Variants in CLASP2 observed in about 807,000 individuals in gnomAD.
CLASP2 encodes the protein cytoplasmic linker associated protein 2.
In CLASP2, 47 loss-of-function variants were observed where a neutral mutation model predicts 194.4. That is an observed-to-expected ratio of 0.24 (90% CI 0.19 to 0.31). The LOEUF (loss-of-function observed/expected upper bound fraction) is 0.31, where lower values mean the gene tolerates loss of function less well. Ranked by LOEUF, CLASP2 falls within the 10% of genes least tolerant of loss-of-function variation. The pLI is 1.00. For synonymous variants in CLASP2, 619 were observed against 633.5 expected, an observed-to-expected ratio of 0.98 and a Z score of 0.34; for missense variants, 1,445 against 1,823.6, an observed-to-expected ratio of 0.79 and a Z score of 3.78.
Position 33,584,847 on chromosome 3 carries a change from T to C in CLASP2, c.2142A>G (p.Gln714=). 1 of 1,613,946 alleles carries C rather than the reference T, an allele frequency of 6.2e-7. No individual in the cohort carries two copies. The highest frequency in any genetic ancestry group is 8.5e-7 in the Non-Finnish European group (1 of 1,179,880). Residue 714 remains glutamine (Q), a synonymous_variant, in exon 22 of 39, where the codon CAA becomes CAG. Transcript: ENST00000682230. ...CTGAGGCTGAATTGACCAGGACTCTTTGAACACCAGAGCTCACAGTGGACA... is the reference window on the plus strand; with the variant it reads ...CTGAGGCTGAATTGACCAGGACTCTCTGAACACCAGAGCTCACAGTGGACA... ...TALSTVSSGV[Q]RVLVNSASAQ...
intron 34 of CLASP2, among the ~76,000 whole-genome samples, chr3:33,529,588 C>G (rs2055608358): frequency 1.3e-5 from 2 of 152,294 alleles, no homozygotes; most frequent in Admixed American, 1.3e-4. Context: ...AATTTTTAAA[C>G]TTTTTTGTTA....
chr3:33,624,126 TAC>T (rs1445336121), intron 10 of CLASP2, among the ~76,000 whole-genome samples: 1 of 152,152 alleles, frequency 6.6e-6, no homozygotes, highest in Non-Finnish European at 1.5e-5. Context: ...TAAAAAGAGA[TAC>T]ACACACGTGT....
intron 37 of CLASP2, chr3:33,504,226 G>T (rs1229820321): frequency 3.9e-5 from 6 of 152,174 alleles, no homozygotes; most frequent in Non-Finnish European, 8.8e-5. Context: ...TGCTTTAGGT[G>T]TCATATCTAA....
chr3:33,641,916 T>G (rs2081376501), intron 8 of CLASP2, among the ~76,000 whole-genome samples: 1 of 151,954 alleles, frequency 6.6e-6, no homozygotes, highest in Non-Finnish European at 1.5e-5. Flanking sequence ...TAGCAAATAA[T>G]ACATTGAGAC....
intron 23 of CLASP2, 129 bp from the exon 24 acceptor site, chr3:33,576,404 A>G (rs1208106871): frequency 1.6e-6 from 1 of 612,354 alleles, no homozygotes; most frequent in Non-Finnish European, 2.8e-6. Flanking sequence ...TAAAAGCAAT[A>G]TTGTATTTTC....
intron 7 of CLASP2, among the ~76,000 whole-genome samples, chr3:33,661,252 T>A (rs537482466): frequency 2.2e-4 from 33 of 152,328 alleles, no homozygotes; most frequent in Middle Eastern, 6.8e-3. Context: ...TTGTTTATGA[T>A]CTATCTCCAT....
intron 27 of CLASP2, 24 bp from the exon 28 acceptor site, chr3:33,560,995 T>A: frequency 6.2e-7 from 1 of 1,600,464 alleles, no homozygotes; most frequent in Non-Finnish European, 8.5e-7. Context: ...AGGGGAGAGG[T>A]AGGGAGAAAA....
chr3:33,681,800 C>T (rs1247504025), intron 6 of CLASP2, among the ~76,000 whole-genome samples: 1 of 152,142 alleles, frequency 6.6e-6, no homozygotes, highest in African/African-American at 2.4e-5. Flanking sequence ...TGATCTCTAA[C>T]GTTGGAGGTG....
chr3:33,567,869 C>A (rs1231107758), intron 26 of CLASP2, among the ~76,000 whole-genome samples: 1 of 152,164 alleles, frequency 6.6e-6, no homozygotes, highest in Non-Finnish European at 1.5e-5. Context: ...TCACTGCCCT[C>A]AAGATAATGT....
At chr3:33,704,588 A>G (rs1195648809) in intron 1 of CLASP2, among the ~76,000 whole-genome samples, 1 of 150,978 alleles carries the variant, frequency 6.6e-6, no homozygotes, top group Non-Finnish European at 1.5e-5. Context: ...CCCATCTCTA[A>G]TAAAAATATA....
intron 27 of CLASP2, among the ~76,000 whole-genome samples, chr3:33,563,045 G>A (rs558807541): frequency 3.3e-5 from 5 of 151,848 alleles, no homozygotes; most frequent in Admixed American, 3.3e-4. Context: ...TCATTTTATG[G>A]CTAATCTTTC....
chr3:33,550,872 A>G (rs555438779), intron 30 of CLASP2, among the ~76,000 whole-genome samples: 1 of 152,358 alleles, frequency 6.6e-6, no homozygotes, highest in South Asian at 2.1e-4. Context: ...TCCTCACTTA[A>G]CAAAATAGAC....
intron 10 of CLASP2, among the ~76,000 whole-genome samples, chr3:33,623,225 G>A (rs1456468719): frequency 2.6e-5 from 4 of 152,080 alleles, no homozygotes; most frequent in Admixed American, 6.5e-5. Flanking sequence ...GGGTAACTGG[G>A]GTATCCATCA....
chr3:33,634,558 C>G (rs897035726), intron 8 of CLASP2, among the ~76,000 whole-genome samples: 4 of 152,186 alleles, frequency 2.6e-5, no homozygotes, highest in Admixed American at 1.3e-4. Flanking sequence ...TATCCTTTGA[C>G]CAACGAAGGA....
rs922668764 is a variant in CLASP2, at chr3:33,674,907, T to G, written c.644+9452A>C. On this transcript the variant is annotated intron_variant, in intron 6 of 38. Transcript: ENST00000682230. ...ACCAGGAAGAAGTTGAATCTCTGAA[T>G]AGACCAATAACAGGAGCTGAAATTG... is the stretch of plus-strand genomic sequence containing the variant. 3.5e-4 allele frequency among the ~76,000 whole-genome samples: 53 copies of G among 152,278 alleles called. No homozygotes were observed. The South Asian group carries it at 3.9e-3, about 11-fold the overall frequency.
chr3:33,702,240 A>G (rs2092426030), intron 1 of CLASP2, among the ~76,000 whole-genome samples: 1 of 152,222 alleles, frequency 6.6e-6, no homozygotes, highest in African/African-American at 2.4e-5. Flanking sequence ...ACATCCTACA[A>G]AGCTTCTGTA....
intron 6 of CLASP2, among the ~76,000 whole-genome samples, chr3:33,672,646 G>T (rs969088169): frequency 6.6e-6 from 1 of 151,936 alleles, no homozygotes; most frequent in South Asian, 2.1e-4. Context: ...CAAATTATGA[G>T]CTACAGGAGG....
intron 9 of CLASP2, among the ~76,000 whole-genome samples, chr3:33,629,031 G>A (rs895514344): frequency 2.0e-5 from 3 of 152,036 alleles, no homozygotes; most frequent in African/African-American, 7.2e-5. Context: ...ATCCCAAACT[G>A]GTTGATTTTG....
At chr3:33,566,696 A>G (rs971562282) in intron 27 of CLASP2, 36 bp downstream of exon 27, 1 of 450,518 alleles carries the variant, frequency 2.2e-6, no homozygotes, top group East Asian at 7.0e-5. Flanking sequence ...GTCATGCAGT[A>G]AAGTTAGGTT....
Sources: gnomAD v4.1 joint callset for allele counts (sites outside exome capture counted in the v4.1 genomes callset) on GRCh38, gnomAD v4.1.1 for gene constraint, MANE v1.5 for transcripts, NCBI Gene and HGNC (gene_info 2026-07-23, HGNC 2026-07-21) for gene names.